Variants in B3GNT5 observed in about 807,000 individuals in gnomAD.
B3GNT5 encodes lactosylceramide 1,3-N-acetyl-beta-D-glucosaminyltransferase.
A neutral mutation model predicts 25.9 loss-of-function variants in B3GNT5; 11 were observed. The observed-to-expected ratio is 0.42, with a 90% CI of 0.27 to 0.70. The LOEUF is 0.70. Ranked by LOEUF, B3GNT5 falls within the 30% of genes least tolerant of loss-of-function variation. The pLI is 0.23. For synonymous variants in B3GNT5, 166 were observed against 158.6 expected (o/e 1.05, Z -0.35); for missense variants, 385 against 458.4 (o/e 0.84, Z 1.46).
intron 1 of B3GNT5, among the ~76,000 whole-genome samples, chr3:183,265,025 C>A (rs1011167245): frequency 2.0e-5 from 3 of 152,222 alleles, no homozygotes; most frequent in Admixed American, 2.0e-4. Flanking sequence ...TCTGAGATAT[C>A]TGCATATTTT....
Position 183,270,298 on chromosome 3 carries a change from A to G in B3GNT5, c.500A>G (p.Asn167Ser), listed in dbSNP as rs369857642. 3.3e-5 allele frequency: 53 copies of G among 1,614,106 alleles called. No homozygotes were observed. The highest frequency in any genetic ancestry group is 4.5e-5 in the Non-Finnish European group (53 of 1,180,044). ...IQQDFVDSFY[N>S]LTLKLLMQFS... The stretch of plus-strand genomic sequence containing the variant: ...CAAGACTTTGTTGATTCTTTCTACA[A>G]TCTTACTCTGAAATTACTTATGCAG... Residue 167 changes from asparagine (N) to serine (S), a missense_variant, in exon 2 of 2, where the codon AAT (asparagine) becomes AGT (serine). Coordinates refer to ENST00000326505, the MANE Select transcript of B3GNT5 (RefSeq NM_032047.5). This position sits in a 1 kb window ranked among gnomAD's most constrained non-coding sequence, Gnocchi z 4.5.
At chr3:183,260,032 G>A (rs1358255038) in intron 1 of B3GNT5, among the ~76,000 whole-genome samples, 1 of 148,508 alleles carries the variant, frequency 6.7e-6, no homozygotes, top group Non-Finnish European at 1.5e-5. Flanking sequence ...CTCCCCTCCC[G>A]ATGAGAACTG....
chr3:183,269,554 A>G lies in B3GNT5; in HGVS notation c.-245A>G, dbSNP rs1726539152. ...ATGAGGCCGCCCACCACGCTTCCTGAAGGATGCCCGTGTGGAAGAATTTTG... is the reference window on the plus strand; with the variant it reads ...ATGAGGCCGCCCACCACGCTTCCTGGAGGATGCCCGTGTGGAAGAATTTTG... On this transcript the variant is annotated 5_prime_UTR_variant, in exon 2 of 2. The change abolishes the stop of an existing upstream ORF in the 5' untranslated region. Coordinates refer to ENST00000326505, the MANE Select transcript of B3GNT5 (RefSeq NM_032047.5). 3.1e-5 allele frequency: 13 copies of G among 426,178 alleles called. No individual in the cohort carries two copies. In the South Asian group the frequency reaches 4.9e-4, roughly 16 times the overall value. 26.4% of individuals were successfully genotyped at this position (426,178 alleles called of 1,614,324 possible). A position where few individuals can be genotyped will look rare whatever the true frequency, so the allele number is the denominator to read the frequency against.
At chr3:183,260,779 T>C (rs977027961) in intron 1 of B3GNT5, among the ~76,000 whole-genome samples, 8 of 152,234 alleles carry the variant, frequency 5.3e-5, no homozygotes, top group African/African-American at 1.7e-4. Context: ...GTAGGTTTTA[T>C]TACCCAGCTT....
At chr3:183,265,615 C>T (rs1294849714) in intron 1 of B3GNT5, 1 of 152,240 alleles carries the variant, frequency 6.6e-6, no homozygotes, top group African/African-American at 2.4e-5. Flanking sequence ...CGGGGGAGGG[C>T]AGTGCTTTTG....
Position 183,272,015 on chromosome 3 carries a change from G to T in B3GNT5, c.*1080G>T. On this transcript the variant is annotated 3_prime_UTR_variant, in exon 2 of 2. Transcript: ENST00000326505. Reference sequence around the variant, plus strand: ...TAAATTGAGAGCATTAAACATCAAAGTTATAATATCTAAAACAATTTATTT... The same window carrying T: ...TAAATTGAGAGCATTAAACATCAAATTTATAATATCTAAAACAATTTATTT... 2.3e-6 allele frequency: 1 copy of T among 440,530 alleles called. No homozygotes were observed. Among genetic ancestry groups the T allele is most frequent in the Non-Finnish European group, 3.1e-6 (1 of 318,692 alleles). 27.3% of individuals were successfully genotyped at this position (440,530 alleles called of 1,614,324 possible).
intron 1 of B3GNT5, among the ~76,000 whole-genome samples, chr3:183,269,229 G>GTTTTTTTTTTTTTTTTTTT (rs1305607255): frequency 2.6e-5 from 2 of 77,018 alleles, no homozygotes; most frequent in African/African-American, 2.3e-4. Flanking sequence ...CGTTTGGGAA[G>GTTTTTTTTTTTTTTTTTTT]CTTTTTTTTT....
chr3:183,272,284 G>T lies in B3GNT5; in HGVS notation c.*1349G>T. 1.0e-6 allele frequency: 1 copy of T among 1,000,238 alleles called. No individual in the cohort carries two copies. The highest frequency in any genetic ancestry group is 1.2e-6 in the Non-Finnish European group (1 of 829,990). The allele number at this position is 1,000,238 out of a possible 1,614,324, so 62.0% of individuals were successfully genotyped here. A position where few individuals can be genotyped will look rare whatever the true frequency, so the allele number is the denominator to read the frequency against. ...TTCACTACAGAAAGAACTAGGTGGTGTCTACTGCTAGGGAGATTATATGAA... is the reference window on the plus strand; with the variant it reads ...TTCACTACAGAAAGAACTAGGTGGTTTCTACTGCTAGGGAGATTATATGAA... On this transcript the variant is annotated 3_prime_UTR_variant, in exon 2 of 2. Transcript: ENST00000326505.
chr3:183,270,191 A>G lies in B3GNT5; in HGVS notation c.393A>G (p.Leu131=). 1 of 1,614,208 alleles carries G rather than the reference A, an allele frequency of 6.2e-7. No individual in the cohort carries two copies. The highest frequency in any genetic ancestry group is 1.3e-5 in the African/African-American group (1 of 75,066). ...CCAACATCAAAACTCTGTTTGCCTT[A>G]GGAACTCCTAATCCACTGGAGGGAG... is the stretch of plus-strand genomic sequence containing the variant. The part of the protein sequence containing the change: ...LNANIKTLFA[L]GTPNPLEGEE... The change falls in exon 2 of 2, where the codon TTA becomes TTG. Residue 131 remains leucine (L), a synonymous_variant. Transcript: ENST00000326505. The surrounding 1 kb of genome is among the most constrained non-coding windows in gnomAD (Gnocchi z 4.5).
chr3:183,264,865 C>A (rs1725947308), intron 1 of B3GNT5, among the ~76,000 whole-genome samples: 1 of 152,146 alleles, frequency 6.6e-6, no homozygotes, highest in Non-Finnish European at 1.5e-5. Flanking sequence ...GGGCACGGCT[C>A]CTAGACTGAA....
chr3:183,270,630 A>G lies in B3GNT5; in HGVS notation c.832A>G (p.Ser278Gly), dbSNP rs1726680786. ...VYEASQTLNS[S>G]LYIDDVFMGL... ...TGAGGCATCACAGACACTAAATTCA[A>G]GTCTTTACATAGACGATGTGTTCAT... The change falls in exon 2 of 2, where the codon AGT becomes GGT. Residue 278 changes from serine to glycine, a missense_variant. Ser to Gly is a moderately conservative substitution (Grantham distance 56). Coordinates refer to ENST00000326505, the MANE Select transcript of B3GNT5 (RefSeq NM_032047.5). The surrounding 1 kb of genome is among the most constrained non-coding windows in gnomAD (Gnocchi z 4.5). The G allele has an allele frequency of 1.2e-6, 2 of 1,614,074 alleles. No homozygotes were observed. The highest frequency in any genetic ancestry group is 1.7e-6 in the Non-Finnish European group (2 of 1,180,046).
Position 183,267,521 on chromosome 3 carries a change from G to C in B3GNT5, c.-301-1977G>C, listed in dbSNP as rs1726271126. Among the ~76,000 whole-genome samples, 1 of 152,212 alleles carries C rather than the reference G, an allele frequency of 6.6e-6. No individual in the cohort carries two copies. Among genetic ancestry groups the C allele is most frequent in the Admixed American group, 6.5e-5 (1 of 15,286 alleles). The stretch of plus-strand genomic sequence containing the variant: ...TGTGTACAGTTGGTTTTCTATCAGG[G>C]GTCAACCGGCGGGGGGACTTGAGAA... On this transcript the variant is annotated intron_variant, in intron 1 of 1. Coordinates refer to ENST00000326505, the MANE Select transcript of B3GNT5 (RefSeq NM_032047.5). The surrounding 1 kb of genome is among the most constrained non-coding windows in gnomAD (Gnocchi z 5.5).
chr3:183,254,504 G>A (rs1724846614), intron 1 of B3GNT5: 1 of 152,220 alleles, frequency 6.6e-6, no homozygotes, highest in Non-Finnish European at 1.5e-5. Context: ...AGGTGCGGCA[G>A]GTAGGCTCGG....
chr3:183,259,400 CTTA>C (rs1725378602), intron 1 of B3GNT5, among the ~76,000 whole-genome samples: 1 of 152,144 alleles, frequency 6.6e-6, no homozygotes, highest in Non-Finnish European at 1.5e-5. Flanking sequence ...AATTCTTACT[CTTA>C]TTGATAGGAG....
intron 1 of B3GNT5, among the ~76,000 whole-genome samples, chr3:183,257,958 C>CTTTTTTTTTTTTTTTTTTT (rs35323502): frequency 3.1e-5 from 2 of 64,742 alleles, no homozygotes; most frequent in Admixed American, 2.4e-4. Flanking sequence ...CCACTTCACC[C>CTTTTTTTTTTTTTTTTTTT]TTTTTTTTTT....
intron 1 of B3GNT5, chr3:183,258,551 A>G (rs1725291946): frequency 6.6e-6 from 1 of 152,198 alleles, no homozygotes; most frequent in Non-Finnish European, 1.5e-5. Context: ...CCCTCATCTC[A>G]GAGGAAAGCT....
chr3:183,269,074 T>A lies in B3GNT5; in HGVS notation c.-301-424T>A, dbSNP rs76573537. Among the ~76,000 whole-genome samples the A allele has an allele frequency of 1.2e-4, 18 of 152,228 alleles. No individual in the cohort carries two copies. The East Asian group carries it at 3.5e-3, about 29-fold the overall frequency. On this transcript the variant is annotated intron_variant, in intron 1 of 1. Coordinates refer to ENST00000326505, the MANE Select transcript of B3GNT5 (RefSeq NM_032047.5). ...CTGCCTTGTCTGGGGCAAGCCTTAA[T>A]GGATTTTTACTGCTGTGAATTTTCT...
At chr3:183,266,316 C>T (rs2108434789) in intron 1 of B3GNT5, among the ~76,000 whole-genome samples, 1 of 152,334 alleles carries the variant, frequency 6.6e-6, no homozygotes, top group East Asian at 1.9e-4. Flanking sequence ...CAGGAATAGG[C>T]AGCTGGTTTT....
At chr3:183,261,987 T>G (rs1725632819) in intron 1 of B3GNT5, among the ~76,000 whole-genome samples, 1 of 139,156 alleles carries the variant, frequency 7.2e-6, no homozygotes, top group African/African-American at 2.9e-5. Flanking sequence ...AGAATAGAAT[T>G]GGGCATTCAT....
Sources: allele counts gnomAD v4.1 joint callset (sites outside exome capture counted in the v4.1 genomes callset), GRCh38; gene constraint gnomAD v4.1.1; non-coding constraint Gnocchi (gnomAD v3.1); transcripts MANE v1.5; gene names NCBI Gene and HGNC (gene_info 2026-07-23, HGNC 2026-07-21).